Variants in CPB1 observed in about 807,000 individuals in gnomAD.
CPB1 encodes the protein carboxypeptidase B.
A neutral mutation model predicts 51.4 loss-of-function variants in CPB1; 53 were observed. That is an observed-to-expected ratio of 1.03 (90% CI 0.83 to 1.30). The LOEUF is 1.30. Among genes scored for constraint, CPB1 ranks in the 50% most tolerant of loss-of-function variants. The probability of loss-of-function intolerance (pLI) is 0.00; values close to 1 mark genes in which losing one functional copy is unlikely to be tolerated. For missense variants in CPB1, 494 were observed against 516.2 expected, an observed-to-expected ratio of 0.96 and a Z score of 0.42; for synonymous variants, 189 against 186.9, an observed-to-expected ratio of 1.01 and a Z score of -0.09.
chr3:148,846,728 T>C (rs1174646107), intron 9 of CPB1, among the ~76,000 whole-genome samples: 4 of 130,918 alleles, frequency 3.1e-5, no homozygotes, highest in African/African-American at 1.1e-4. Flanking sequence ...TCCCCATCCA[T>C]GGCCAAAAAT....
At chr3:148,832,941 T>C (rs1712784597) in intron 2 of CPB1, among the ~76,000 whole-genome samples, 1 of 152,186 alleles carries the variant, frequency 6.6e-6, no homozygotes, top group South Asian at 2.1e-4. Context: ...TTGTCGTCTA[T>C]AATAAAGACA....
In CPB1 at chr3:148,857,462, C is replaced by A. The variant is rs1334824658; in HGVS notation, c.987C>A (p.Ala329=). ...KLGENNAELN[A]LAKATVKELA... ...TATTCCTGTTTCTTTTGCAGAATGC[C>A]CTGGCTAAAGCTACTGTGAAAGAAC... Residue 329 remains alanine (A), a synonymous_variant, in exon 10 of 11, where the codon GCC becomes GCA. Transcript: ENST00000282957. 6.2e-7 allele frequency: 1 copy of A among 1,613,370 alleles called. No homozygotes were observed. Among genetic ancestry groups the A allele is most frequent in the African/African-American group, 1.3e-5 (1 of 74,836 alleles).
chr3:148,856,179 T>G (rs1713563101), intron 9 of CPB1: 1 of 152,172 alleles, frequency 6.6e-6, no homozygotes, highest in South Asian at 2.1e-4. Flanking sequence ...ACCCTAAAAT[T>G]TGCAAGTACC....
At chr3:148,836,966 C>T (rs1712923700) in intron 3 of CPB1, among the ~76,000 whole-genome samples, 2 of 152,032 alleles carry the variant, frequency 1.3e-5, no homozygotes, top group Admixed American at 6.6e-5. Flanking sequence ...TCACCAAGAC[C>T]TGTATTATTT....
chr3:148,836,427 C>T (rs921571755), intron 3 of CPB1, among the ~76,000 whole-genome samples: 2 of 152,156 alleles, frequency 1.3e-5, no homozygotes, highest in Admixed American at 6.5e-5. Flanking sequence ...AGATGAGTTT[C>T]TTTGTAATTC....
chr3:148,835,935 A>G (rs1559957036), intron 3 of CPB1, among the ~76,000 whole-genome samples: 4 of 152,202 alleles, frequency 2.6e-5, no homozygotes, highest in Admixed American at 1.3e-4. Context: ...TGGGAAAAAA[A>G]CAGATTAGAT....
chr3:148,848,940 A>G (rs1713335817), intron 9 of CPB1, among the ~76,000 whole-genome samples: 2 of 152,218 alleles, frequency 1.3e-5, no homozygotes, highest in East Asian at 3.8e-4. Context: ...TATATTGTTT[A>G]AAGCAAGAAT....
At position 148,845,464 on chromosome 3, in the gene CPB1, T is replaced by G. The variant is rs200326324; in HGVS notation, c.819T>G (p.Cys273Trp). The change falls in exon 9 of 11, where the codon TGT becomes TGG. Residue 273 changes from cysteine (C) to tryptophan (W), a missense_variant. Coordinates refer to ENST00000282957, the MANE Select transcript of CPB1 (RefSeq NM_001871.3). ...GAAACCCCTGTGATGAAACTTACTG[T>G]GGACCTGCCGCAGAGTCTGAAAAGG... ...ASRNPCDETYCGPAAESEKET... is the reference protein window; with the variant it reads ...ASRNPCDETYWGPAAESEKET... The G allele has an allele frequency of 9.3e-6, 15 of 1,613,932 alleles. No individual in the cohort carries two copies. The highest frequency in any genetic ancestry group is 1.3e-5 in the Non-Finnish European group (15 of 1,179,832).
At chr3:148,840,829 G>C in intron 4 of CPB1, 44 bp downstream of exon 4, 1 of 1,613,674 alleles carries the variant, frequency 6.2e-7, no homozygotes, top group Non-Finnish European at 8.5e-7. Flanking sequence ...TTTGGGAATT[G>C]AACCAAGAAT....
chr3:148,842,972 C>G lies in CPB1; in HGVS notation c.576+1048C>G, dbSNP rs893593029. ...ATTTAATTTTGAAAAATAATTTAGACAAACTCAAAGTAAGGGACATTCTGC... is the reference window on the plus strand; with the variant it reads ...ATTTAATTTTGAAAAATAATTTAGAGAAACTCAAAGTAAGGGACATTCTGC... On this transcript the variant is annotated intron_variant, in intron 6 of 10. Transcript: ENST00000282957. Among the ~76,000 whole-genome samples the G allele has an allele frequency of 3.3e-5, 5 of 152,224 alleles. No individual in the cohort carries two copies. In the South Asian group the frequency reaches 1.0e-3, roughly 32 times the overall value.
intron 5 of CPB1, among the ~76,000 whole-genome samples, chr3:148,841,216 C>CCA (rs1438331976): frequency 6.6e-6 from 1 of 152,154 alleles, no homozygotes; most frequent in Non-Finnish European, 1.5e-5. Context: ...ATAAATTTAA[C>CCA]CACATTCTTG....
chr3:148,857,536 C>A lies in CPB1; in HGVS notation c.1061C>A (p.Thr354Lys). The part of the protein sequence containing the change: ...TKYTYGPGAT[T>K]IYPAAGGSDD... ...TACACATATGGCCCGGGAGCTACAA[C>A]AATCTGTGAGTCTTGGCTTCAGAAC... The change falls in exon 10 of 11, where the codon ACA (threonine) becomes AAA (lysine). Residue 354 changes from threonine (T) to lysine (K), a missense_variant. Physicochemically the swap from Thr to Lys is moderately conservative, Grantham distance 78 (BLOSUM62 -1). Transcript: ENST00000282957. The A allele has an allele frequency of 6.2e-7, 1 of 1,613,130 alleles. No individual in the cohort carries two copies. Among genetic ancestry groups the A allele is most frequent in the Non-Finnish European group, 8.5e-7 (1 of 1,179,118 alleles).
At chr3:148,841,290 C>T (rs929260615) in intron 5 of CPB1, among the ~76,000 whole-genome samples, 4 of 152,144 alleles carry the variant, frequency 2.6e-5, no homozygotes, top group African/African-American at 9.7e-5. Context: ...GTTTGCAAAT[C>T]CATTTTTAAA....
intron 5 of CPB1, 61 bp from the exon 6 acceptor site, chr3:148,841,762 G>A: frequency 7.2e-7 from 1 of 1,397,290 alleles, no homozygotes; most frequent in South Asian, 1.2e-5. Flanking sequence ...GGGTAGTGGA[G>A]GTTAACCCCT....
chr3:148,834,548 A>G lies in CPB1; in HGVS notation c.198A>G (p.Thr66=), dbSNP rs1395187176. The change falls in exon 3 of 11, where the codon ACA becomes ACG. Residue 66 remains threonine (T), a synonymous_variant. Coordinates refer to ENST00000282957, the MANE Select transcript of CPB1 (RefSeq NM_001871.3). ...DSVTQIKPHS[T]VDFRVKAEDT... ...TCACACAAATCAAACCTCACAGTAC[A>G]GTTGACTTCCGTGTTAAAGCAGAAG... 1 of 1,613,626 alleles carries G rather than the reference A, an allele frequency of 6.2e-7. No homozygotes were observed. Among genetic ancestry groups the G allele is most frequent in the Non-Finnish European group, 8.5e-7 (1 of 1,179,514 alleles).
Position 148,844,755 on chromosome 3 carries a change from G to A in CPB1, c.766G>A (p.Ala256Thr), listed in dbSNP as rs139625170. Residue 256 changes from alanine (A) to threonine (T), a missense_variant, in exon 8 of 11, where the codon GCT becomes ACT. Transcript: ENST00000282957. ...CACAGACCCCAACAGAAATTTTGAT[G>A]CTGGTTGGTGTGGTAAGTATCTGGC... ...IGTDPNRNFD[A>T]GWCEIGASRN... is the part of the protein sequence containing the mutation. The A allele has an allele frequency of 1.1e-5, 17 of 1,613,814 alleles. No homozygotes were observed. Among genetic ancestry groups the A allele is most frequent in the South Asian group, 3.3e-5 (3 of 91,080 alleles).
rs1398262552 is a variant in CPB1, at chr3:148,842,036, G to A, written c.576+112G>A. The A allele has an allele frequency of 4.9e-6, 4 of 814,826 alleles. No homozygotes were observed. In the African/African-American group the frequency reaches 5.2e-5, roughly 11 times the overall value. The allele number at this position is 814,826 out of a possible 1,614,324, so 50.5% of individuals were successfully genotyped here. ...CAGAAAAAAATACACAATTACAAGTGCCCAATTTTGGAAATTAGTTTCAAC... is the reference window on the plus strand; with the variant it reads ...CAGAAAAAAATACACAATTACAAGTACCCAATTTTGGAAATTAGTTTCAAC... On this transcript the variant is annotated intron_variant, in intron 6 of 10. Transcript: ENST00000282957.
At position 148,845,725 on chromosome 3, in the gene CPB1, C is replaced by T. The variant is rs1406173828; in HGVS notation, c.981+99C>T. The T allele has an allele frequency of 7.5e-6, 7 of 936,442 alleles. No homozygotes were observed. The Admixed American group carries it at 1.1e-4, about 15-fold the overall frequency. 58.0% of individuals were successfully genotyped at this position (936,442 alleles called of 1,614,324 possible). A position where few individuals can be genotyped will look rare whatever the true frequency, so the allele number is the denominator to read the frequency against. On this transcript the variant is annotated intron_variant, in intron 9 of 10. Transcript: ENST00000282957. The stretch of plus-strand genomic sequence containing the variant: ...TTATAAGAACACTTTCTGGAAGTCC[C>T]TTTATTGATTTTTTTGGTAGTAGAA...
chr3:148,828,469 G>T (rs1712637673), intron 2 of CPB1, among the ~76,000 whole-genome samples: 1 of 152,040 alleles, frequency 6.6e-6, no homozygotes, highest in Non-Finnish European at 1.5e-5. Flanking sequence ...TGTATCATCT[G>T]TCCTCTTTGA....
Sources: gnomAD v4.1 joint callset for allele counts (sites outside exome capture counted in the v4.1 genomes callset) on GRCh38, gnomAD v4.1.1 for gene constraint, MANE v1.5 for transcripts, NCBI Gene and HGNC (gene_info 2026-07-23, HGNC 2026-07-21) for gene names.